AR: variants seen among roughly 807,000 people sequenced by gnomAD.
The protein encoded by AR is androgen receptor.
A neutral mutation model predicts 53.9 loss-of-function variants in AR; 8 were observed. The ratio of observed to expected loss-of-function variants is 0.15; its 90% CI spans 0.09 to 0.27. The LOEUF is 0.27. Ranked by LOEUF, AR falls within the 10% of genes least tolerant of loss-of-function variation. The probability of loss-of-function intolerance (pLI) is 1.00; values close to 1 mark genes in which losing one functional copy is unlikely to be tolerated. For synonymous variants in AR, 359 were observed against 316.4 expected (o/e 1.13, Z -1.43); for missense variants, 639 against 742.5 (o/e 0.86, Z 1.62).
At chrX:67,547,870 T>G (rs1958860863) in intron 1 of AR, among the ~76,000 whole-genome samples, 1 of 112,181 alleles carries the variant, frequency 8.9e-6, no homozygotes, top group Non-Finnish European at 1.9e-5. Flanking sequence ...ATGAGAAAAG[T>G]GGCAGGCAAT....
intron 2 of AR, among the ~76,000 whole-genome samples, chrX:67,657,033 CA>C (rs989125260): frequency 1.6e-4 from 18 of 110,028 alleles, no homozygotes; most frequent in African/African-American, 4.0e-4. Context: ...TCAAAGCCCC[CA>C]AAAAAATGTT....
chrX:67,701,614 C>T (rs1437873053), intron 3 of AR, among the ~76,000 whole-genome samples: 7 of 111,206 alleles, frequency 6.3e-5, no homozygotes, highest in African/African-American at 2.0e-4. Context: ...GACATGTGCC[C>T]ATGCACAAGC....
At chrX:67,652,063 C>T (rs1393247780) in intron 2 of AR, among the ~76,000 whole-genome samples, 1 of 111,641 alleles carries the variant, frequency 9.0e-6, no homozygotes, top group African/African-American at 3.3e-5. Flanking sequence ...GCAGAGCATC[C>T]CACGGAGTGT....
chrX:67,562,580 T>C lies in AR; in HGVS notation c.1616+15818T>C, dbSNP rs112362962. ...TTGCAGTTTGCCCAGGCAGCACTGA[T>C]CCGCTTTATTCATTTAAGTTACCTG... On this transcript the variant is annotated intron_variant, in intron 1 of 7. Transcript: ENST00000374690. Among the ~76,000 whole-genome samples, 489 of 111,556 alleles carry C rather than the reference T, an allele frequency of 4.4e-3. 4 individuals carry two copies. The highest frequency in any genetic ancestry group is 0.015 in the African/African-American group (467 of 30,672).
At chrX:67,551,284 T>A (rs1335505534) in intron 1 of AR, among the ~76,000 whole-genome samples, 6 of 110,324 alleles carry the variant, frequency 5.4e-5, no homozygotes. Context: ...GGGTGCGTGC[T>A]GCAAGTGTCC....
chrX:67,694,816 G>A, intron 3 of AR: 1 of 1,118,294 alleles, frequency 8.9e-7, no homozygotes, highest in African/African-American at 1.8e-5. Flanking sequence ...AGGAGCTTAG[G>A]TTTTTGCTCC....
intron 1 of AR, among the ~76,000 whole-genome samples, chrX:67,591,775 G>C (rs1036250634): frequency 2.7e-5 from 3 of 111,906 alleles, no homozygotes; most frequent in Admixed American, 9.4e-5. Flanking sequence ...TTGCAGCACT[G>C]TCATTCTCCA....
chrX:67,664,845 C>G (rs1185013909), intron 2 of AR, among the ~76,000 whole-genome samples: 2 of 112,593 alleles, frequency 1.8e-5, no homozygotes, highest in African/African-American at 6.4e-5. Context: ...CTCGCTGCTG[C>G]CTTGCAGTTT....
intron 1 of AR, among the ~76,000 whole-genome samples, chrX:67,597,038 G>T (rs1923112933): frequency 8.9e-6 from 1 of 112,144 alleles, no homozygotes; most frequent in Non-Finnish European, 1.9e-5. Flanking sequence ...GAAGTTATTT[G>T]CTCAGTGTGG....
At chrX:67,632,247 A>G (rs1325873265) in intron 1 of AR, among the ~76,000 whole-genome samples, 1 of 101,688 alleles carries the variant, frequency 9.8e-6, no homozygotes, top group Non-Finnish European at 2.0e-5. Flanking sequence ...CCTCGCTGCC[A>G]CCTTGCAGTT....
intron 3 of AR, among the ~76,000 whole-genome samples, chrX:67,687,616 A>T (rs1284193870): frequency 8.9e-6 from 1 of 111,751 alleles, no homozygotes; most frequent in Non-Finnish European, 1.9e-5. Context: ...CAAAGGCAGG[A>T]AGGGTGACAA....
intron 3 of AR, among the ~76,000 whole-genome samples, chrX:67,701,461 C>T (rs906519057): frequency 1.4e-4 from 16 of 111,867 alleles, no homozygotes; most frequent in African/African-American, 5.2e-4. Context: ...GCCTCCCCAT[C>T]TTTGACTTGA....
In AR at chrX:67,577,004, C is replaced by CTT. The variant is rs35442632; in HGVS notation, c.1616+30258_1616+30259dup. Reference sequence around the variant, plus strand: ...TCAATGGGTTTCTCTCTCTCTCTCTCTTTTTTTTTTTTTTTTTGGATGCTC... The same window carrying CTT: ...TCAATGGGTTTCTCTCTCTCTCTCTCTTTTTTTTTTTTTTTTTTTGGATGCTC... On this transcript the variant is annotated intron_variant, in intron 1 of 7. Transcript: ENST00000374690. Among the ~76,000 whole-genome samples the CTT allele has an allele frequency of 3.7e-3, 332 of 90,773 alleles. 1 individual carries two copies. Among genetic ancestry groups the CTT allele is most frequent in the African/African-American group, 0.012 (282 of 24,400 alleles). The allele number at this position is 90,773 out of a possible 115,157, so 78.8% of individuals were successfully genotyped here. A position where few individuals can be genotyped will look rare whatever the true frequency, so the allele number is the denominator to read the frequency against.
At chrX:67,654,002 C>T (rs1926473244) in intron 2 of AR, among the ~76,000 whole-genome samples, 1 of 111,375 alleles carries the variant, frequency 9.0e-6, no homozygotes, top group African/African-American at 3.3e-5. Context: ...AGTAGTAAAT[C>T]TCTACAATTT....
At chrX:67,705,361 C>T (rs969810731) in intron 3 of AR, among the ~76,000 whole-genome samples, 5 of 111,316 alleles carry the variant, frequency 4.5e-5, no homozygotes, top group South Asian at 3.8e-4. Context: ...AGGTCCTTCA[C>T]GTCCCTTGTA....
intron 3 of AR, among the ~76,000 whole-genome samples, chrX:67,699,657 TA>T (rs1228683314): frequency 9.0e-6 from 1 of 110,657 alleles, no homozygotes; most frequent in African/African-American, 3.3e-5. Flanking sequence ...GACTGGAAAC[TA>T]AGGTCTCAGA....
rs1168368943 is a variant in AR at position 67,544,697 on chromosome X, G to C, written c.-450G>C. The C allele has an allele frequency of 5.8e-6, 1 of 171,915 alleles. No individual in the cohort carries two copies. The allele number at this position is 171,915 out of a possible 1,213,427, so 14.2% of individuals were successfully genotyped here. On this transcript the variant is annotated 5_prime_UTR_variant, in exon 1 of 8. Transcript: ENST00000374690. ...CTTCCCCACCCCGAGTGCGGAGCCAGAGATCAAAAGATGAAAAGGCAGTCA... is the reference window on the plus strand; with the variant it reads ...CTTCCCCACCCCGAGTGCGGAGCCACAGATCAAAAGATGAAAAGGCAGTCA...
At chrX:67,686,636 G>A (rs2075968497) in intron 3 of AR, among the ~76,000 whole-genome samples, 1 of 111,709 alleles carries the variant, frequency 9.0e-6, no homozygotes, top group Admixed American at 9.5e-5. Flanking sequence ...CTTCTCTTTG[G>A]AGCCTGTGAC....
At chrX:67,633,983 G>A (rs1166557803) in intron 1 of AR, among the ~76,000 whole-genome samples, 2 of 108,530 alleles carry the variant, frequency 1.8e-5, no homozygotes, top group Non-Finnish European at 3.8e-5. Context: ...AAATTAGTTT[G>A]CAGTAATAGA....
Sources: gnomAD v4.1 joint callset for allele counts (sites outside exome capture counted in the v4.1 genomes callset) on GRCh38, gnomAD v4.1.1 for gene constraint, MANE v1.5 for transcripts, NCBI Gene and HGNC (gene_info 2026-07-23, HGNC 2026-07-21) for gene names.